The following GOLGA2 variants were observed in gnomAD, a reference collection of about 807,000 sequenced individuals.
The protein encoded by GOLGA2 is golgin subfamily A member 2.
In GOLGA2, 49 loss-of-function variants were observed where a neutral mutation model predicts 148.8. That is an observed-to-expected ratio of 0.33 (90% CI 0.26 to 0.42). The LOEUF is 0.42. Ranked by LOEUF, GOLGA2 falls within the 10% of genes least tolerant of loss-of-function variation. GOLGA2 has a pLI of 1.00. For missense variants in GOLGA2, 1,178 were observed against 1,304.6 expected (o/e 0.90, Z 1.49); for synonymous variants, 501 against 511.8 (o/e 0.98, Z 0.28).
At chr9:128,262,052 T>C in intron 14 of GOLGA2, 1 of 380,000 alleles carries the variant, frequency 2.6e-6, no homozygotes. Flanking sequence ...AATACAAAAA[T>C]TAGCCAGGCA....
intron 14 of GOLGA2, among the ~76,000 whole-genome samples, chr9:128,262,210 A>G (rs1010533177): frequency 6.6e-6 from 1 of 151,264 alleles, no homozygotes; most frequent in African/African-American, 2.4e-5. Flanking sequence ...AAAGATCTCT[A>G]CTCTCTATTA....
In GOLGA2 at chr9:128,273,468, C is replaced by T. The variant is rs532897455; in HGVS notation, c.207+382G>A. On this transcript the variant is annotated intron_variant, in intron 2 of 26. Coordinates refer to ENST00000611957, the MANE Select transcript of GOLGA2 (RefSeq NM_001366244.2). ...CTTTCAGTGACTCCTAAAGGGATAG[C>T]CTGATGGCAAGTAGCTGTTCTCATT... Among the ~76,000 whole-genome samples, 446 of 152,242 alleles carry T rather than the reference C, an allele frequency of 2.9e-3. 2 individuals carry two copies. Among genetic ancestry groups the T allele is most frequent in the Non-Finnish European group, 4.9e-3 (331 of 68,022 alleles).
rs1195805894 is a variant in GOLGA2, at chr9:128,260,595, T to C, written c.1628A>G (p.Glu543Gly). The C allele has an allele frequency of 3.1e-6, 5 of 1,611,212 alleles. No homozygotes were observed. The Admixed American group carries it at 8.3e-5, about 27-fold the overall frequency. ...ELERAAELWG[E>G]QAEARRQILE... ...GATTTGCCTGCGCGCCTCCGCCTGC[T>C]CCCCCCAGAGCTCGGCCGCCCGCTC... The change falls in exon 18 of 27, where the codon GAG (glutamate) becomes GGG (glycine). Residue 543 changes from glutamate to glycine, a missense_variant. By Grantham distance (98) the Glu-to-Gly change is moderately conservative. This residue lies in a region of GOLGA2 where 529 missense variants were observed against 521.8 expected (regional missense o/e 1.01). Transcript: ENST00000611957. The surrounding 1 kb of genome is among the most constrained non-coding windows in gnomAD (Gnocchi z 4.8).
chr9:128,272,876 C>T lies in GOLGA2; in HGVS notation c.208-11G>A, dbSNP rs187916036. 5.8e-5 allele frequency: 71 copies of T among 1,229,882 alleles called. No homozygotes were observed. In the African/African-American group the frequency reaches 8.3e-4, roughly 14 times the overall value. 76.2% of individuals were successfully genotyped at this position (1,229,882 alleles called of 1,614,324 possible). A position where few individuals can be genotyped will look rare whatever the true frequency, so the allele number is the denominator to read the frequency against. Reference sequence around the variant, plus strand: ...CAGAATGTCCTGAATCTACAGGAGGCGAAAAGGGAAAAACAAGGGCAGGGG... The same window carrying T: ...CAGAATGTCCTGAATCTACAGGAGGTGAAAAGGGAAAAACAAGGGCAGGGG... On this transcript the variant is annotated splice_polypyrimidine_tract_variant and intron_variant, in intron 2 of 26. Transcript: ENST00000611957.
chr9:128,264,327 C>T (rs1431689857), intron 12 of GOLGA2, among the ~76,000 whole-genome samples: 1 of 150,498 alleles, frequency 6.6e-6, no homozygotes, highest in Non-Finnish European at 1.5e-5. Context: ...CTCTGCCTCC[C>T]GGGTTCATGT....
chr9:128,266,336 G>T lies in GOLGA2; in HGVS notation c.643-11C>A, dbSNP rs202015078. 1 of 1,611,818 alleles carries T rather than the reference G, an allele frequency of 6.2e-7. No individual in the cohort carries two copies. Among genetic ancestry groups the T allele is most frequent in the Admixed American group, 1.7e-5 (1 of 60,008 alleles). ...TTGGTTCTGTTGTTTCTGTGGGGAA[G>T]AGTCAAAGGAAGGTGACTGAGGGTG... On this transcript the variant is annotated splice_polypyrimidine_tract_variant and intron_variant, in intron 8 of 26. Coordinates refer to ENST00000611957, the MANE Select transcript of GOLGA2 (RefSeq NM_001366244.2). This position sits in a 1 kb window ranked among gnomAD's most constrained non-coding sequence, Gnocchi z 4.2.
rs1829946200 is a variant in GOLGA2, at chr9:128,257,403, G to A, written c.2841C>T (p.Ala947=). The A allele has an allele frequency of 6.2e-7, 1 of 1,613,026 alleles. No individual in the cohort carries two copies. The highest frequency in any genetic ancestry group is 8.5e-7 in the Non-Finnish European group (1 of 1,179,980). ...GGTTGGCAGCCCCAAGTTCCTGGGG[G>A]GCTGGGGCCCCTGAAGTGGGCTCAT... The part of the protein sequence containing the change: ...PADEPTSGAP[A]PQELGAANQQ... Residue 947 remains alanine (A), a synonymous_variant, in exon 26 of 27, where the codon GCC becomes GCT. Transcript: ENST00000611957. This position sits in a 1 kb window ranked among gnomAD's most constrained non-coding sequence, Gnocchi z 8.0.
chr9:128,258,867 T>C lies in GOLGA2; in HGVS notation c.2173+140A>G. 1 of 688,462 alleles carries C rather than the reference T, an allele frequency of 1.5e-6. No homozygotes were observed. Among genetic ancestry groups the C allele is most frequent in the Non-Finnish European group, 2.5e-6 (1 of 395,082 alleles). The allele number at this position is 688,462 out of a possible 1,614,324, so 42.6% of individuals were successfully genotyped here. ...TGCTCCCAGGAAGTCACCATATTGA[T>C]GCCGAACTTAGTGTGGACACCCAGT... is the stretch of plus-strand genomic sequence containing the variant. On this transcript the variant is annotated intron_variant, in intron 21 of 26. Coordinates refer to ENST00000611957, the MANE Select transcript of GOLGA2 (RefSeq NM_001366244.2). The surrounding 1 kb of genome is among the most constrained non-coding windows in gnomAD (Gnocchi z 6.6).
At chr9:128,272,961 G>A (rs890316657) in intron 2 of GOLGA2, 96 bp from the exon 3 acceptor site, 20 of 401,564 alleles carry the variant, frequency 5.0e-5, no homozygotes, top group Non-Finnish European at 8.5e-5. Context: ...GAAGATGTGG[G>A]TTCAGGGAAA....
intron 4 of GOLGA2, 86 bp downstream of exon 4, chr9:128,268,334 C>T: frequency 9.6e-7 from 1 of 1,045,292 alleles, no homozygotes; most frequent in Non-Finnish European, 1.5e-6. Flanking sequence ...GGCCCTTGAC[C>T]CTAGGGAACA....
chr9:128,266,612 C>T lies in GOLGA2; in HGVS notation c.643-287G>A. 1.9e-6 allele frequency: 1 copy of T among 535,318 alleles called. No individual in the cohort carries two copies. Among genetic ancestry groups the T allele is most frequent in the Non-Finnish European group, 3.3e-6 (1 of 301,646 alleles). 33.2% of individuals were successfully genotyped at this position (535,318 alleles called of 1,614,324 possible). On this transcript the variant is annotated intron_variant, in intron 8 of 26. Transcript: ENST00000611957. The surrounding 1 kb of genome is among the most constrained non-coding windows in gnomAD (Gnocchi z 4.2). ...GAGTGTGAGAAAAGCCCACCCTCTG[C>T]CAGTTTGTGATTTAGAAAGGTGTAA...
chr9:128,265,509 C>T, intron 12 of GOLGA2, 76 bp downstream of exon 12: 1 of 1,086,904 alleles, frequency 9.2e-7, no homozygotes. Context: ...GTCAACCCTG[C>T]AGAAGGGACC....
At position 128,259,271 on chromosome 9, in the gene GOLGA2, T is replaced by A; in HGVS notation, c.1993A>T (p.Asn665Tyr). 6.2e-7 allele frequency: 1 copy of A among 1,611,744 alleles called. No individual in the cohort carries two copies. ...QLTSEKEVLH[N>Y]QLLLQTQLVD... Reference sequence around the variant, plus strand: ...AGCTGGGTCTGCAGCAGTAGCTGATTATGCAGCACCTCCTTCTCAGAGGTC... The same window carrying A: ...AGCTGGGTCTGCAGCAGTAGCTGATAATGCAGCACCTCCTTCTCAGAGGTC... Residue 665 changes from asparagine to tyrosine, a missense_variant, in exon 20 of 27, where the codon AAT becomes TAT. Asn to Tyr is a moderately radical substitution (Grantham distance 143, BLOSUM62 -2). Transcript: ENST00000611957.
At chr9:128,269,198 C>T (rs1830780624) in intron 3 of GOLGA2, among the ~76,000 whole-genome samples, 1 of 152,088 alleles carries the variant, frequency 6.6e-6, no homozygotes, top group Non-Finnish European at 1.5e-5. Context: ...AGTGATCCAC[C>T]TTGGTCTCCC....
At chr9:128,263,113 A>C in intron 12 of GOLGA2, 21 bp from the exon 13 acceptor site, 2 of 1,564,804 alleles carry the variant, frequency 1.3e-6, no homozygotes, top group East Asian at 2.2e-5. Flanking sequence ...AGAAAGGTTA[A>C]GTCAGGATAT....
chr9:128,274,966 A>C (rs896741782), intron 1 of GOLGA2, among the ~76,000 whole-genome samples: 6 of 152,166 alleles, frequency 3.9e-5, no homozygotes, highest in African/African-American at 1.2e-4. Flanking sequence ...AGACCACTGA[A>C]GGGCACTCTG....
chr9:128,267,114 C>T (rs1830638312), intron 8 of GOLGA2, 80 bp downstream of exon 8: 1 of 1,023,682 alleles, frequency 9.8e-7, no homozygotes, highest in Non-Finnish European at 1.6e-6. Context: ...GGGCCCCCTG[C>T]CCCTTTCTTC....
At position 128,275,343 on chromosome 9, in the gene GOLGA2, T is replaced by C. The variant is rs373163313; in HGVS notation, c.84+550A>G. On this transcript the variant is annotated intron_variant, in intron 1 of 26. Transcript: ENST00000611957. The stretch of plus-strand genomic sequence containing the variant: ...AACTAATTACGGTTCCGAGGGGGAT[T>C]GTGACGTCACTACATTCCACTCCTA... The C allele has an allele frequency of 6.3e-4, 744 of 1,177,784 alleles. 11 individuals carry two copies. In the South Asian group the frequency reaches 0.017, roughly 27 times the overall value. 73.0% of individuals were successfully genotyped at this position (1,177,784 alleles called of 1,614,324 possible).
intron 12 of GOLGA2, 105 bp from the exon 13 acceptor site, chr9:128,263,197 C>A (rs994625843): frequency 4.4e-5 from 33 of 753,896 alleles, no homozygotes; most frequent in Non-Finnish European, 6.6e-5. Context: ...CTTCCTCACT[C>A]TCAATCACAC....
Sources: allele counts gnomAD v4.1 joint callset (sites outside exome capture counted in the v4.1 genomes callset), GRCh38; gene constraint gnomAD v4.1.1; regional missense constraint gnomAD v4.1.1; non-coding constraint Gnocchi (gnomAD v3.1); transcripts MANE v1.5; gene names NCBI Gene and HGNC (gene_info 2026-07-23, HGNC 2026-07-21).